Variants in SLC11A2 observed in about 807,000 individuals in gnomAD.
SLC11A2 encodes the protein solute carrier family 11 member 2, also known as natural resistance-associated macrophage protein 2.
Under a neutral mutation model 68.0 loss-of-function variants are expected in SLC11A2, and 38 were observed. The ratio of observed to expected loss-of-function variants is 0.56; its 90% confidence interval spans 0.43 to 0.73. The LOEUF (loss-of-function observed/expected upper bound fraction) is 0.73. SLC11A2 is among the 30% of genes least tolerant of loss of function. The probability of loss-of-function intolerance (pLI) is 0.00; values close to 1 mark genes in which losing one functional copy is unlikely to be tolerated. For missense variants in SLC11A2, 517 were observed against 690.5 expected (o/e 0.75, Z 2.82); for synonymous variants, 242 against 250.6 (o/e 0.97, Z 0.32).
chr12:51,020,315 T>A (rs1943953258), intron 1 of SLC11A2, among the ~76,000 whole-genome samples: 1 of 151,714 alleles, frequency 6.6e-6, no homozygotes, highest in African/African-American at 2.4e-5. Context: ...TTTTTTACAC[T>A]GGAGTAAGTT....
At chr12:50,981,495 C>T (rs1940022638), downstream of SLC11A2, 6 of 442,284 alleles carry the variant, frequency 1.4e-5, no homozygotes, top group South Asian at 1.5e-4. Flanking sequence ...GTGTGGCCAT[C>T]AGAGGCCAAT....
At chr12:50,972,445 C>G in the SLC11A2 span, among the ~76,000 whole-genome samples, 2 of 152,208 alleles carry the variant, frequency 1.3e-5, no homozygotes, top group Non-Finnish European at 2.9e-5. Flanking sequence ...AACAGGAGCA[C>G]TTAGAAGGAA....
the SLC11A2 span, among the ~76,000 whole-genome samples, chr12:50,959,743 G>A: frequency 1.3e-5 from 2 of 152,064 alleles, no homozygotes; most frequent in African/African-American, 4.8e-5. Context: ...CACCTCCTGG[G>A]TTCAAGTGAT....
chr12:50,972,088 T>G, the SLC11A2 span, among the ~76,000 whole-genome samples: 6 of 152,218 alleles, frequency 3.9e-5, no homozygotes, highest in African/African-American at 1.4e-4. Flanking sequence ...CTGGATCTAA[T>G]ATGTTCCATT....
downstream of SLC11A2, chr12:50,981,523 G>A: frequency 5.8e-6 from 3 of 517,674 alleles, no homozygotes; most frequent in Non-Finnish European, 1.1e-5. Context: ...CTCTGGGAGT[G>A]TATGACTGTT....
chr12:51,027,871 C>G (rs978133118), upstream of SLC11A2, among the ~76,000 whole-genome samples: 11 of 133,486 alleles, frequency 8.2e-5, no homozygotes, highest in African/African-American at 1.1e-4. Flanking sequence ...AGAGAAAAAT[C>G]CAAATAAAGT....
At chr12:50,959,183 A>C in the SLC11A2 span, among the ~76,000 whole-genome samples, 6 of 151,762 alleles carry the variant, frequency 4.0e-5, no homozygotes, top group Non-Finnish European at 8.8e-5. Flanking sequence ...GCAATGGTGC[A>C]ATCTCAGCTC....
In SLC11A2 at chr12:50,995,493, T is replaced by C. The variant is rs558497425; in HGVS notation, c.990+136A>G. 1.4e-5 allele frequency: 13 copies of C among 918,362 alleles called. No individual in the cohort carries two copies. In the South Asian group the frequency reaches 1.7e-4, roughly 12 times the overall value. 56.9% of individuals were successfully genotyped at this position (918,362 alleles called of 1,614,324 possible). ...AGACTCTGACTGGTGCACAGTGATT[T>C]TGGGGGGCAGACGAGAAGCTAGAGA... On this transcript the variant is annotated intron_variant, in intron 10 of 15. Transcript: ENST00000262052.
chr12:51,020,735 C>T (rs1222378262), intron 1 of SLC11A2, among the ~76,000 whole-genome samples: 5 of 152,258 alleles, frequency 3.3e-5, no homozygotes, highest in Admixed American at 2.0e-4. Flanking sequence ...CTGTACTGAA[C>T]ATATACACCA....
intron 1 of SLC11A2, chr12:51,026,100 G>C (rs2136446772): frequency 9.1e-7 from 1 of 1,096,710 alleles, no homozygotes; most frequent in African/African-American, 1.7e-5. Flanking sequence ...CCCATCTTTG[G>C]GTCTTTCTCT....
At position 51,016,847 on chromosome 12, in the gene SLC11A2, C is replaced by CA. The variant is rs34208777; in HGVS notation, c.-38-6082dup. ...GGGTGACAAGAGCAAAACTCTGTCT[C>CA]AAAAAAAAAAAAAAAAAAAAAAAAT... is the stretch of plus-strand genomic sequence containing the variant. On this transcript the variant is annotated intron_variant, in intron 1 of 15. Transcript: ENST00000262052. Among the ~76,000 whole-genome samples the CA allele has an allele frequency of 5.3e-3, 320 of 60,690 alleles. 1 individual carries two copies. The highest frequency in any genetic ancestry group is 0.017 in the African/African-American group (280 of 16,288). The allele number at this position is 60,690 out of a possible 152,430, so 39.8% of individuals were successfully genotyped here. A position where few individuals can be genotyped will look rare whatever the true frequency, so the allele number is the denominator to read the frequency against.
rs1433371177 is a variant in SLC11A2, at chr12:50,986,151, G to C, written c.*2174C>G. On this transcript the variant is annotated 3_prime_UTR_variant, in exon 16 of 16. Coordinates refer to ENST00000262052, the MANE Select transcript of SLC11A2 (RefSeq NM_000617.3). ...TGTTAATTTCCAGTATAATGTAGCA[G>C]CACAATTATTTCATGTCACATTTAA... The C allele has an allele frequency of 7.8e-7, 1 of 1,285,714 alleles. No individual in the cohort carries two copies. The highest frequency in any genetic ancestry group is 1.2e-5 in the South Asian group (1 of 80,802). 79.6% of individuals were successfully genotyped at this position (1,285,714 alleles called of 1,614,324 possible).
intron 2 of SLC11A2, chr12:51,009,087 TC>T: frequency 7.9e-7 from 1 of 1,266,016 alleles, no homozygotes; most frequent in Non-Finnish European, 1.1e-6. Context: ...CGAAATGTCC[TC>T]CCCACCTCCT....
chr12:50,999,284 T>G, intron 7 of SLC11A2, 43 bp from the exon 8 acceptor site: 1 of 1,608,370 alleles, frequency 6.2e-7, no homozygotes, highest in Middle Eastern at 1.7e-4. Flanking sequence ...AAGGTAGACT[T>G]CCCCATCTGC....
intron 3 of SLC11A2, 70 bp downstream of exon 3, chr12:51,008,406 A>C (rs1468187060): frequency 8.8e-6 from 12 of 1,360,090 alleles, no homozygotes; most frequent in African/African-American, 2.9e-5. Flanking sequence ...AACTTGAGCC[A>C]TCCAGCAGAT....
chr12:50,987,131 C>T lies in SLC11A2; in HGVS notation c.*1194G>A, dbSNP rs1940658138. On this transcript the variant is annotated 3_prime_UTR_variant, in exon 16 of 16. Coordinates refer to ENST00000262052, the MANE Select transcript of SLC11A2 (RefSeq NM_000617.3). ...GCTTTGTGCTGAAGACACCCATTTC[C>T]TCTGACTCCAGAGCTCCACCATCTG... The T allele has an allele frequency of 7.8e-7, 1 of 1,283,360 alleles. No homozygotes were observed. 79.5% of individuals were successfully genotyped at this position (1,283,360 alleles called of 1,614,324 possible). A position where few individuals can be genotyped will look rare whatever the true frequency, so the allele number is the denominator to read the frequency against.
intron 9 of SLC11A2, 51 bp from the exon 10 acceptor site, chr12:50,995,838 C>T (rs766454851): frequency 6.3e-7 from 1 of 1,581,698 alleles, no homozygotes; most frequent in Non-Finnish European, 8.7e-7. Context: ...AACAAGTTTC[C>T]TTGTGACATT....
chr12:50,985,858 G>A, downstream of SLC11A2: 3 of 846,370 alleles, frequency 3.5e-6, no homozygotes, highest in African/African-American at 1.8e-5. Context: ...CCTTTCTAAG[G>A]AGAAAATCCT....
At chr12:50,962,881 A>G in the SLC11A2 span, among the ~76,000 whole-genome samples, 1 of 152,130 alleles carries the variant, frequency 6.6e-6, no homozygotes, top group African/African-American at 2.4e-5. Flanking sequence ...AAACAAAGGC[A>G]CAGAAGCATG....
Sources: gnomAD v4.1 joint callset for allele counts (sites outside exome capture counted in the v4.1 genomes callset) on GRCh38, gnomAD v4.1.1 for gene constraint, MANE v1.5 for transcripts, NCBI Gene and HGNC (gene_info 2026-07-23, HGNC 2026-07-21) for gene names.